The following PHLPP2 variants were observed in gnomAD, a reference collection of about 807,000 sequenced individuals.
PHLPP2 encodes the protein PH domain leucine-rich repeat-containing protein phosphatase 2.
PHLPP2 carries 66 observed loss-of-function variants against 124.9 expected under a neutral mutation model. The observed-to-expected ratio is 0.53, with a 90% CI of 0.43 to 0.65. PHLPP2 has a LOEUF of 0.65. Ranked by LOEUF, PHLPP2 falls within the 30% of genes least tolerant of loss-of-function variation. The pLI, the probability that PHLPP2 is intolerant of heterozygous loss-of-function variation, is 0.00. For synonymous variants in PHLPP2, 681 were observed against 624.7 expected, an observed-to-expected ratio of 1.09 and a Z score of -1.34; for missense variants, 1,685 against 1,600.4, an observed-to-expected ratio of 1.05 and a Z score of -0.90.
At chr16:71,658,136 C>A in intron 15 of PHLPP2, 97 bp downstream of exon 15, 1 of 1,051,004 alleles carries the variant, frequency 9.5e-7, no homozygotes, top group South Asian at 2.0e-5. Flanking sequence ...TCATTCTGTT[C>A]TTTTAATTAA....
At chr16:71,691,828 G>C (rs962013443) in intron 3 of PHLPP2, among the ~76,000 whole-genome samples, 1 of 152,062 alleles carries the variant, frequency 6.6e-6, no homozygotes, top group Non-Finnish European at 1.5e-5. Flanking sequence ...ATTAAAAGAA[G>C]TGTGCACCTG....
At chr16:71,687,801 T>C (rs2045067884) in intron 4 of PHLPP2, among the ~76,000 whole-genome samples, 1 of 152,190 alleles carries the variant, frequency 6.6e-6, no homozygotes, top group Non-Finnish European at 1.5e-5. Flanking sequence ...TCAGCTATTA[T>C]TTTTTCAGAT....
At chr16:71,699,383 A>T (rs919582156) in intron 3 of PHLPP2, among the ~76,000 whole-genome samples, 1 of 152,016 alleles carries the variant, frequency 6.6e-6, no homozygotes, top group Non-Finnish European at 1.5e-5. Flanking sequence ...GCCCATGAAG[A>T]CCCCAGACTC....
chr16:71,702,438 C>T (rs2045241155), intron 3 of PHLPP2, among the ~76,000 whole-genome samples, 160 bp downstream of exon 3: 1 of 152,180 alleles, frequency 6.6e-6, no homozygotes, highest in Admixed American at 6.5e-5. Flanking sequence ...TACCCCTGAC[C>T]TCTTGGCTTT....
chr16:71,715,678 C>CA (rs1051881605), intron 1 of PHLPP2: 13 of 147,094 alleles, frequency 8.8e-5, no homozygotes, highest in African/African-American at 1.5e-4. Context: ...GACTCCATCT[C>CA]AAAAAAAAAG....
In PHLPP2 at chr16:71,652,972, A is replaced by G; in HGVS notation, c.2635T>C (p.Tyr879His). 6.2e-7 allele frequency: 1 copy of G among 1,613,980 alleles called. No individual in the cohort carries two copies. Among genetic ancestry groups the G allele is most frequent in the Non-Finnish European group, 8.5e-7 (1 of 1,180,026 alleles). The change falls in exon 18 of 19, where the codon TAC becomes CAC. Residue 879 changes from tyrosine (Y) to histidine (H), a missense_variant. Coordinates refer to ENST00000568954, the MANE Select transcript of PHLPP2 (RefSeq NM_015020.3). The stretch of plus-strand genomic sequence containing the variant: ...GGATCGGCAGTGTCAGGGCGGATGT[A>G]GCACAGGAGAGCGGAGGAGCCCAAC... ...QKLGSSALLC[Y>H]IRPDTADPAS...
chr16:71,694,999 A>G (rs2045154531), intron 3 of PHLPP2, among the ~76,000 whole-genome samples: 1 of 152,010 alleles, frequency 6.6e-6, no homozygotes, highest in East Asian at 1.9e-4. Context: ...GTTAGCCAGG[A>G]TGGTCTCGAT....
intron 11 of PHLPP2, among the ~76,000 whole-genome samples, chr16:71,668,400 A>T (rs1224595829): frequency 8.5e-6 from 1 of 117,924 alleles, no homozygotes; most frequent in African/African-American, 3.3e-5. Context: ...TGGGCGATAG[A>T]GCGAGACTCT....
At chr16:71,673,202 T>C (rs2044910329) in intron 9 of PHLPP2, among the ~76,000 whole-genome samples, 1 of 152,212 alleles carries the variant, frequency 6.6e-6, no homozygotes, top group South Asian at 2.1e-4. Context: ...CTAATATAAG[T>C]CCTTATATTG....
At chr16:71,661,600 C>T (rs2044790660) in intron 13 of PHLPP2, among the ~76,000 whole-genome samples, 1 of 152,150 alleles carries the variant, frequency 6.6e-6, no homozygotes, top group Admixed American at 6.5e-5. Flanking sequence ...AGAGCTACCA[C>T]ACCCTGAAAT....
intron 2 of PHLPP2, among the ~76,000 whole-genome samples, chr16:71,704,307 C>CAAAAAAAAAAA (rs56882820): frequency 2.0e-5 from 2 of 98,750 alleles, no homozygotes; most frequent in African/African-American, 8.3e-5. Flanking sequence ...GACTCTGTCT[C>CAAAAAAAAAAA]AAAAAAAAAA....
intron 10 of PHLPP2, among the ~76,000 whole-genome samples, chr16:71,671,756 A>G (rs1567617168): frequency 6.6e-6 from 1 of 151,932 alleles, no homozygotes; most frequent in African/African-American, 2.4e-5. Context: ...CTACTAAAAA[A>G]ACAAAAAATT....
intron 1 of PHLPP2, among the ~76,000 whole-genome samples, chr16:71,722,646 T>C (rs969871949): frequency 6.6e-6 from 1 of 152,216 alleles, no homozygotes; most frequent in Non-Finnish European, 1.5e-5. Context: ...ATCATACGTT[T>C]TGTTTTGCAA....
intron 5 of PHLPP2, among the ~76,000 whole-genome samples, chr16:71,683,583 T>G (rs2045024293): frequency 6.6e-6 from 1 of 152,160 alleles, no homozygotes; most frequent in African/African-American, 2.4e-5. Context: ...GTGTCTTAAT[T>G]CCTTCTAAGG....
intron 4 of PHLPP2, among the ~76,000 whole-genome samples, chr16:71,685,128 C>T (rs1400065737): frequency 1.3e-5 from 2 of 152,100 alleles, no homozygotes; most frequent in East Asian, 1.9e-4. Context: ...GAGTTCGAGA[C>T]GAGCCTGATC....
At chr16:71,714,421 G>A (rs971512678) in intron 2 of PHLPP2, 91 bp downstream of exon 2, 2 of 1,420,500 alleles carry the variant, frequency 1.4e-6, no homozygotes, top group Non-Finnish European at 1.8e-6. Context: ...ATCAGTTCCG[G>A]CAGAATTAAA....
chr16:71,648,816 G>T lies in PHLPP2; in HGVS notation c.*74C>A. 7.0e-6 allele frequency: 7 copies of T among 1,005,888 alleles called. No homozygotes were observed. Among genetic ancestry groups the T allele is most frequent in the Middle Eastern group, 3.3e-4 (1 of 3,032 alleles). 62.3% of individuals were successfully genotyped at this position (1,005,888 alleles called of 1,614,324 possible). On this transcript the variant is annotated 3_prime_UTR_variant, in exon 19 of 19. Coordinates refer to ENST00000568954, the MANE Select transcript of PHLPP2 (RefSeq NM_015020.3). ...AAACGAACAAACAAAAAGAAATGTA[G>T]AGGCAGAATGCCTCTAGCAAGTCCC...
intron 13 of PHLPP2, among the ~76,000 whole-genome samples, chr16:71,661,594 C>T (rs546257678): frequency 6.6e-5 from 10 of 152,046 alleles, no homozygotes; most frequent in African/African-American, 2.4e-4. Context: ...TTCAAGAGAG[C>T]TACCACACCC....
In PHLPP2 at chr16:71,656,692, T is replaced by G. The variant is rs1596988949; in HGVS notation, c.2280-11A>C. 6.9e-7 allele frequency: 1 copy of G among 1,439,478 alleles called. No individual in the cohort carries two copies. Among genetic ancestry groups the G allele is most frequent in the Non-Finnish European group, 9.8e-7 (1 of 1,021,138 alleles). The allele number at this position is 1,439,478 out of a possible 1,614,324, so 89.2% of individuals were successfully genotyped here. ...AGGGTTGTGATATGGCTGTGGGAGG[T>G]GAAGGAAGATTAAACCATATATTCT... is the stretch of plus-strand genomic sequence containing the variant. On this transcript the variant is annotated splice_polypyrimidine_tract_variant and intron_variant, in intron 15 of 18. Transcript: ENST00000568954.
Sources: gnomAD v4.1 joint callset for allele counts (sites outside exome capture counted in the v4.1 genomes callset) on GRCh38, gnomAD v4.1.1 for gene constraint, MANE v1.5 for transcripts, NCBI Gene and HGNC (gene_info 2026-07-23, HGNC 2026-07-21) for gene names.